The following MEF2C variants were observed in gnomAD, a reference collection of about 807,000 sequenced individuals.
MEF2C encodes the protein myocyte-specific enhancer factor 2C.
Under a neutral mutation model 50.5 loss-of-function variants are expected in MEF2C, and 6 were observed. The ratio of observed to expected loss-of-function variants is 0.12; its 90% CI spans 0.07 to 0.23. The LOEUF is 0.23. Among genes scored for constraint, MEF2C ranks in the 10% least tolerant of loss-of-function variants. The probability of loss-of-function intolerance (pLI) is 1.00; values close to 1 mark genes in which losing one functional copy is unlikely to be tolerated. For synonymous variants in MEF2C, 183 were observed against 228.0 expected (o/e 0.80, Z 1.78); for missense variants, 276 against 605.0 (o/e 0.46, Z 5.70).
intron 9 of MEF2C, 141 bp downstream of exon 9, chr5:88,729,077 T>C: frequency 1.2e-6 from 1 of 851,542 alleles, no homozygotes; most frequent in East Asian, 2.8e-5. Context: ...TTTGTCTTAG[T>C]GAAGAATGGG....
chr5:88,758,254 C>T (rs1207002553), intron 4 of MEF2C, among the ~76,000 whole-genome samples: 1 of 152,128 alleles, frequency 6.6e-6, no homozygotes, highest in Non-Finnish European at 1.5e-5. Context: ...CTTTCCACTT[C>T]CTCCCTTCCC....
intron 1 of MEF2C, among the ~76,000 whole-genome samples, chr5:88,863,516 T>G (rs1017089573): frequency 6.6e-6 from 1 of 152,252 alleles, no homozygotes; most frequent in Non-Finnish European, 1.5e-5. Flanking sequence ...TTCACTATTT[T>G]GAAATATACA....
chr5:88,799,911 CACAGAGAG>C (rs781415668), intron 3 of MEF2C, among the ~76,000 whole-genome samples: 2,320 of 62,516 alleles, frequency 0.037, 36 homozygotes, highest in Non-Finnish European at 0.061. Flanking sequence ...CACACACACA[CACAGAGAG>C]AGAGACACAC....
chr5:88,891,559 C>T (rs548190912), intron 1 of MEF2C, among the ~76,000 whole-genome samples: 24 of 152,084 alleles, frequency 1.6e-4, no homozygotes, highest in African/African-American at 5.1e-4. Context: ...TCCACCACCA[C>T]GCCCAGCTAA....
chr5:88,731,914 A>C lies in MEF2C; in HGVS notation c.638-13T>G, dbSNP rs1761839696. Reference sequence around the variant, plus strand: ...CCATACCCGTTCCCTGTTAACAAAAAACAATAAAGCATTTAGGAAGAAATC... The same window carrying C: ...CCATACCCGTTCCCTGTTAACAAAACACAATAAAGCATTTAGGAAGAAATC... On this transcript the variant is annotated splice_polypyrimidine_tract_variant and intron_variant, in intron 6 of 10. Transcript: ENST00000504921. The C allele has an allele frequency of 1.2e-6, 2 of 1,602,626 alleles. No individual in the cohort carries two copies. Among genetic ancestry groups the C allele is most frequent in the African/African-American group, 1.3e-5 (1 of 74,518 alleles).
chr5:88,765,504 A>T, intron 3 of MEF2C, among the ~76,000 whole-genome samples: 1 of 152,236 alleles, frequency 6.6e-6, no homozygotes, highest in Non-Finnish European at 1.5e-5. Context: ...AATTTCTGTT[A>T]GATTCAGCCA....
At chr5:88,749,309 A>C in intron 5 of MEF2C, 192 bp from the exon 6 acceptor site, 1 of 971,496 alleles carries the variant, frequency 1.0e-6, no homozygotes, top group South Asian at 4.8e-5. Flanking sequence ...ACATTCAATC[A>C]CTGACATTTT....
intron 4 of MEF2C, among the ~76,000 whole-genome samples, chr5:88,756,425 C>T (rs1450754065): frequency 1.3e-5 from 2 of 152,068 alleles, no homozygotes; most frequent in African/African-American, 4.8e-5. Context: ...TTTTCTGTTT[C>T]TGAGTTAAAG....
intron 1 of MEF2C, chr5:88,889,180 A>G (rs1834268879): frequency 6.6e-6 from 1 of 152,188 alleles, no homozygotes; most frequent in South Asian, 2.1e-4. Context: ...GGACGCCTCT[A>G]GTTTGAGCAA....
At chr5:88,897,188 A>T (rs190801764) in intron 1 of MEF2C, among the ~76,000 whole-genome samples, 24 of 152,212 alleles carry the variant, frequency 1.6e-4, no homozygotes, top group Non-Finnish European at 3.4e-4. Context: ...CACTGTAATT[A>T]CTCTATGATT....
chr5:88,864,537 C>T (rs56947091), intron 1 of MEF2C, among the ~76,000 whole-genome samples: 67,138 of 150,294 alleles, frequency 0.45, 15,744 homozygotes, highest in Non-Finnish European at 0.52. Context: ...TTTATAAATA[C>T]ACATAAATAT....
chr5:88,722,988 A>G (rs1323777283), intron 10 of MEF2C, 63 bp from the exon 11 acceptor site: 1 of 1,360,070 alleles, frequency 7.4e-7, no homozygotes, highest in Admixed American at 2.6e-5. Context: ...GGAACTCACA[A>G]TTAAATCAAA....
chr5:88,734,146 A>G (rs1762856999), intron 6 of MEF2C: 15 of 984,814 alleles, frequency 1.5e-5, no homozygotes, highest in Non-Finnish European at 1.8e-5. Flanking sequence ...TGAATATGTT[A>G]TGAACTTAGT....
At chr5:88,734,722 C>T in intron 6 of MEF2C, 1 of 983,452 alleles carries the variant, frequency 1.0e-6, no homozygotes, top group Non-Finnish European at 1.2e-6. Context: ...TGTAGCTTTT[C>T]ATTCAGTAAA....
rs190214287 is a variant in MEF2C, at chr5:88,804,035, A to G, written c.258+563T>C. On this transcript the variant is annotated intron_variant, in intron 3 of 10. Coordinates refer to ENST00000504921, the MANE Select transcript of MEF2C (RefSeq NM_002397.5). ...GTATATTAACAGTTTTCATTGATAT[A>G]TATAATGATATAATTTTTAGGAAAA... Among the ~76,000 whole-genome samples the G allele has an allele frequency of 6.5e-3, 996 of 152,320 alleles. 6 individuals carry two copies. Among genetic ancestry groups the G allele is most frequent in the Non-Finnish European group, 0.011 (748 of 68,022 alleles).
At chr5:88,723,538 G>C (rs1757191605) in intron 10 of MEF2C, among the ~76,000 whole-genome samples, 1 of 152,164 alleles carries the variant, frequency 6.6e-6, no homozygotes, top group South Asian at 2.1e-4. Context: ...AAATGGAAAG[G>C]GGGAGGGAAA....
chr5:88,728,343 T>C lies in MEF2C; in HGVS notation c.1100+150A>G, dbSNP rs919877346. 12 of 597,222 alleles carry C rather than the reference T, an allele frequency of 2.0e-5. No individual in the cohort carries two copies. The Admixed American group carries it at 2.2e-4, about 11-fold the overall frequency. 37.0% of individuals were successfully genotyped at this position (597,222 alleles called of 1,614,324 possible). Reference sequence around the variant, plus strand: ...ACAGGTATATAAGATTTAAGCTACTTGAAAAGTATTGATCTGAAAATTACA... The same window carrying C: ...ACAGGTATATAAGATTTAAGCTACTCGAAAAGTATTGATCTGAAAATTACA... On this transcript the variant is annotated intron_variant, in intron 10 of 10. Transcript: ENST00000504921.
At chr5:88,822,425 C>T (rs1808824068) in intron 2 of MEF2C, among the ~76,000 whole-genome samples, 1 of 151,918 alleles carries the variant, frequency 6.6e-6, no homozygotes, top group Non-Finnish European at 1.5e-5. Flanking sequence ...TGCATGAAAA[C>T]ACTAAAGGAA....
intron 4 of MEF2C, chr5:88,752,838 C>T: frequency 1.2e-6 from 1 of 833,370 alleles, no homozygotes; most frequent in Non-Finnish European, 1.4e-6. Flanking sequence ...GTTTATGTTT[C>T]TGCTGTACTA....
Sources: gnomAD v4.1 joint callset for allele counts (sites outside exome capture counted in the v4.1 genomes callset) on GRCh38, gnomAD v4.1.1 for gene constraint, MANE v1.5 for transcripts, NCBI Gene and HGNC (gene_info 2026-07-23, HGNC 2026-07-21) for gene names.